Variants in TMPO observed in about 807,000 individuals in gnomAD.
TMPO encodes LEM domain containing 4.
Under a neutral mutation model 45.4 loss-of-function variants are expected in TMPO, and 22 were observed. The ratio of observed to expected loss-of-function variants is 0.48; its 90% CI spans 0.35 to 0.69. The LOEUF (loss-of-function observed/expected upper bound fraction) is 0.69. Ranked by LOEUF, TMPO falls within the 30% of genes least tolerant of loss-of-function variation. TMPO has a pLI of 0.01. For synonymous variants in TMPO, 241 were observed against 204.1 expected, an observed-to-expected ratio of 1.18 and a Z score of -1.54; for missense variants, 512 against 548.8, an observed-to-expected ratio of 0.93 and a Z score of 0.67.
chr12:98,531,632 C>T, intron 2 of TMPO, 48 bp from the exon 3 acceptor site: 2 of 1,591,672 alleles, frequency 1.3e-6, no homozygotes, highest in Non-Finnish European at 1.7e-6. Context: ...TGAGCTGCAT[C>T]CTAAATGAAA....
At chr12:98,547,414 A>G (rs1471762393) in intron 8 of TMPO, among the ~76,000 whole-genome samples, 159 bp from the exon 9 acceptor site, 1 of 152,246 alleles carries the variant, frequency 6.6e-6, no homozygotes, top group Non-Finnish European at 1.5e-5. Flanking sequence ...GAAGTTTTAA[A>G]TAGGTTGACT....
chr12:98,536,847 G>T (rs770989373), intron 3 of TMPO, among the ~76,000 whole-genome samples: 5 of 152,172 alleles, frequency 3.3e-5, no homozygotes, highest in Admixed American at 1.3e-4. Context: ...TAAGGACTGG[G>T]ACGAGAAGTG....
At chr12:98,526,969 AAAAAG>A (rs1220492752) in intron 1 of TMPO, among the ~76,000 whole-genome samples, 2 of 150,878 alleles carry the variant, frequency 1.3e-5, no homozygotes, top group East Asian at 3.9e-4. Context: ...AAAAAAAAAG[AAAAAG>A]AAAAGAAAAT....
chr12:98,526,954 C>A (rs1475697060), intron 1 of TMPO, among the ~76,000 whole-genome samples: 1 of 143,636 alleles, frequency 7.0e-6, no homozygotes, highest in Non-Finnish European at 1.5e-5. Flanking sequence ...GAGACTCCAC[C>A]TCCAAAAAAA....
intron 4 of TMPO, among the ~76,000 whole-genome samples, chr12:98,540,583 G>A (rs1039370948): frequency 2.0e-5 from 3 of 152,142 alleles, no homozygotes; most frequent in African/African-American, 7.2e-5. Context: ...TCTCCGTGTT[G>A]GTCAGGCAGG....
chr12:98,522,524 T>A (rs1405881765), intron 1 of TMPO, among the ~76,000 whole-genome samples: 1 of 152,194 alleles, frequency 6.6e-6, no homozygotes, highest in Non-Finnish European at 1.5e-5. Context: ...TAATCTAAGA[T>A]CCTCTATTTT....
intron 1 of TMPO, among the ~76,000 whole-genome samples, chr12:98,517,526 A>G (rs1875954313): frequency 6.6e-6 from 1 of 152,226 alleles, no homozygotes; most frequent in Non-Finnish European, 1.5e-5. Context: ...ATTTTACTTT[A>G]GTTTTTAAGG....
chr12:98,520,308 T>TC (rs755405767), intron 1 of TMPO, among the ~76,000 whole-genome samples: 27,701 of 146,478 alleles, frequency 0.19, 2,941 homozygotes, highest in South Asian at 0.24. Context: ...CTTCCTTCCT[T>TC]CTGTGTGTGT....
At chr12:98,545,890 G>A (rs945214215) in intron 7 of TMPO, among the ~76,000 whole-genome samples, 5 of 152,026 alleles carry the variant, frequency 3.3e-5, no homozygotes, top group Non-Finnish European at 7.4e-5. Flanking sequence ...CCGCCACCAC[G>A]CCCAGCTAAT....
At chr12:98,543,614 C>T (rs1243712358) in intron 4 of TMPO, among the ~76,000 whole-genome samples, 2 of 152,108 alleles carry the variant, frequency 1.3e-5, no homozygotes, top group African/African-American at 2.4e-5. Flanking sequence ...TTGAAAGTGA[C>T]GTTAGGCTTG....
At position 98,516,079 on chromosome 12, in the gene TMPO, G is replaced by T; in HGVS notation, c.212G>T (p.Arg71Leu). 1 of 1,601,592 alleles carries T rather than the reference G, an allele frequency of 6.2e-7. No individual in the cohort carries two copies. The change falls in exon 1 of 9, where the codon CGC (arginine) becomes CTC (leucine). Residue 71 changes from arginine (R) to leucine (L), a missense_variant. Coordinates refer to ENST00000556029, the MANE Select transcript of TMPO (RefSeq NM_001032283.3). ...CCGGACTTCTCCAGTGACGAAGAGC[G>T]CGAGCCCACCCCGGTCCTCGGCTCT... ...GPPDFSSDEE[R>L]EPTPVLGSGA...
Position 98,544,325 on chromosome 12 carries a change from G to T in TMPO, c.759G>T (p.Gly253=). ...CATTAACTAGGGAATCTACAAGAGGGTCAAGAAGAACTCCAAGGAAAAGGG... is the reference window on the plus strand; with the variant it reads ...CATTAACTAGGGAATCTACAAGAGGTTCAAGAAGAACTCCAAGGAAAAGGG... ...LQALTRESTR[G]SRRTPRKRVE... Residue 253 remains glycine (G), a synonymous_variant, in exon 5 of 9, where the codon GGG becomes GGT. Transcript: ENST00000556029. 6.2e-7 allele frequency: 1 copy of T among 1,613,978 alleles called. No individual in the cohort carries two copies. Among genetic ancestry groups the T allele is most frequent in the Non-Finnish European group, 8.5e-7 (1 of 1,179,912 alleles).
intron 3 of TMPO, 66 bp from the exon 4 acceptor site, chr12:98,537,409 A>G: frequency 1.5e-6 from 2 of 1,356,592 alleles, no homozygotes; most frequent in Non-Finnish European, 2.1e-6. Flanking sequence ...CCCGATTAAT[A>G]TTAGGATAAC....
chr12:98,525,616 C>CAGG, intron 1 of TMPO, among the ~76,000 whole-genome samples: 1 of 151,876 alleles, frequency 6.6e-6, no homozygotes, highest in African/African-American at 2.4e-5. Flanking sequence ...TGGTGCACAC[C>CAGG]TGTAATCCCA....
intron 3 of TMPO, among the ~76,000 whole-genome samples, chr12:98,537,201 A>T (rs964309610): frequency 3.3e-5 from 5 of 152,218 alleles, no homozygotes; most frequent in Non-Finnish European, 7.3e-5. Context: ...TTCATGTTCA[A>T]AGCTATGAGT....
chr12:98,542,962 TC>T (rs1298203660), intron 4 of TMPO, among the ~76,000 whole-genome samples: 1 of 152,238 alleles, frequency 6.6e-6, no homozygotes, highest in Non-Finnish European at 1.5e-5. Flanking sequence ...AGCAAATACT[TC>T]CTAATTGATA....
intron 3 of TMPO, among the ~76,000 whole-genome samples, chr12:98,536,336 G>GAT (rs1227868170): frequency 6.6e-6 from 1 of 151,992 alleles, no homozygotes; most frequent in Non-Finnish European, 1.5e-5. Context: ...GCTATACCAT[G>GAT]ATAAATGTCT....
At chr12:98,520,344 C>T (rs1324579184) in intron 1 of TMPO, among the ~76,000 whole-genome samples, 1 of 129,788 alleles carries the variant, frequency 7.7e-6, no homozygotes. Context: ...ACTCTGTCAC[C>T]CAGGCTGGAG....
chr12:98,547,823 A>C lies in TMPO; in HGVS notation c.1330A>C (p.Asn444His). The C allele has an allele frequency of 1.2e-6, 2 of 1,613,962 alleles. No individual in the cohort carries two copies. Among genetic ancestry groups the C allele is most frequent in the East Asian group, 2.2e-5 (1 of 44,874 alleles). The part of the protein sequence containing the change: ...METNQVNPFS[N>H]FLHVDPRKSN ...AACCAACCAAGTAAATCCCTTCTCT[A>C]ATTTTCTTCATGTTGACCCTAGAAA... Residue 444 changes from asparagine to histidine, a missense_variant, in exon 9 of 9, where the codon AAT becomes CAT. This residue lies in a region of TMPO where 209 missense variants were observed against 235.1 expected (regional missense o/e 0.89). Coordinates refer to ENST00000556029, the MANE Select transcript of TMPO (RefSeq NM_001032283.3).
Sources: allele counts gnomAD v4.1 joint callset (sites outside exome capture counted in the v4.1 genomes callset), GRCh38; gene constraint gnomAD v4.1.1; regional missense constraint gnomAD v4.1.1; transcripts MANE v1.5; gene names NCBI Gene and HGNC (gene_info 2026-07-23, HGNC 2026-07-21).